Variants in NFIX observed in about 807,000 individuals in gnomAD.
NFIX encodes nuclear factor 1 X-type.
In NFIX, 2 loss-of-function variants were observed where a neutral mutation model predicts 53.3. The observed-to-expected ratio is 0.04, with a 90% CI of 0.02 to 0.12. The LOEUF (loss-of-function observed/expected upper bound fraction) is 0.12. Ranked by LOEUF, NFIX falls within the 10% of genes least tolerant of loss-of-function variation. NFIX has a pLI of 1.00. For missense variants in NFIX, 310 were observed against 674.5 expected, an observed-to-expected ratio of 0.46 and a Z score of 5.99; for synonymous variants, 244 against 289.0, an observed-to-expected ratio of 0.84 and a Z score of 1.58.
rs770483559 is a variant in NFIX, at chr19:13,081,882, G to A, written c.1254+27G>A. 17 of 1,610,944 alleles carry A rather than the reference G, an allele frequency of 1.1e-5. No individual in the cohort carries two copies. The highest frequency in any genetic ancestry group is 5.3e-5 in the African/African-American group (4 of 74,876). On this transcript the variant is annotated intron_variant, in intron 8 of 10. Coordinates refer to ENST00000592199, the MANE Select transcript of NFIX (RefSeq NM_001365902.3). The surrounding 1 kb of genome is among the most constrained non-coding windows in gnomAD (Gnocchi z 4.7). The stretch of plus-strand genomic sequence containing the variant: ...TGAGTCCAGAGGGCCCCAGGAGCCC[G>A]GCTACAGCCTCATCTCCACATCTAT...
chr19:13,092,534 G>A (rs2018205416), intron 10 of NFIX, among the ~76,000 whole-genome samples: 1 of 152,238 alleles, frequency 6.6e-6, no homozygotes, highest in Non-Finnish European at 1.5e-5. Flanking sequence ...GCCCTGGCAT[G>A]ATCTGCCAGG....
At position 13,036,556 on chromosome 19, in the gene NFIX, G is replaced by A. The variant is rs956602351; in HGVS notation, c.559+11004G>A. Among the ~76,000 whole-genome samples, 7 of 152,252 alleles carry A rather than the reference G, an allele frequency of 4.6e-5. No homozygotes were observed. Among genetic ancestry groups the A allele is most frequent in the Middle Eastern group, 3.4e-3 (1 of 294 alleles). On this transcript the variant is annotated intron_variant, in intron 2 of 10. Transcript: ENST00000592199. The surrounding 1 kb of genome is among the most constrained non-coding windows in gnomAD (Gnocchi z 4.7). ...CTGGGCGGAGCTGTGTGGAGCGATCGGGAGATCCCCGGAGGCGACCTGCAG... is the reference window on the plus strand; with the variant it reads ...CTGGGCGGAGCTGTGTGGAGCGATCAGGAGATCCCCGGAGGCGACCTGCAG...
rs1040898745 is a variant in NFIX, at chr19:12,996,876, G to A, written c.27+1012G>A. ...CAAAAGCTTCGAGGATGCCTGTCGG[G>A]CCACCCAACTCTCCCTGGGCTGTGG... On this transcript the variant is annotated intron_variant, in intron 1 of 10. Transcript: ENST00000592199. This position sits in a 1 kb window ranked among gnomAD's most constrained non-coding sequence, Gnocchi z 5.2. Among the ~76,000 whole-genome samples, 5 of 152,270 alleles carry A rather than the reference G, an allele frequency of 3.3e-5. No individual in the cohort carries two copies. The highest frequency in any genetic ancestry group is 2.6e-4 in the Admixed American group (4 of 15,286).
At chr19:13,015,819 C>CGCACAT (rs1261826573) in intron 1 of NFIX, among the ~76,000 whole-genome samples, 1 of 152,088 alleles carries the variant, frequency 6.6e-6, no homozygotes, top group East Asian at 1.9e-4. Flanking sequence ...CACACGCACA[C>CGCACAT]GCACACGCAC....
chr19:12,999,058 C>T (rs2011576057), intron 1 of NFIX, among the ~76,000 whole-genome samples: 1 of 152,148 alleles, frequency 6.6e-6, no homozygotes, highest in Non-Finnish European at 1.5e-5. Context: ...GTGTTCACCC[C>T]CACACATGCT....
rs908797499 is a variant in NFIX, at chr19:13,095,300, C to A, written c.*651C>A. On this transcript the variant is annotated 3_prime_UTR_variant, in exon 11 of 11. Coordinates refer to ENST00000592199, the MANE Select transcript of NFIX (RefSeq NM_001365902.3). ...CCCCACCCCACCCTTGGGCTAAAAG[C>A]CCCCAGGCGGGCAGGGGGTGACCCC... 1 of 150,790 alleles carries A rather than the reference C, an allele frequency of 6.6e-6. No individual in the cohort carries two copies. Among genetic ancestry groups the A allele is most frequent in the Non-Finnish European group, 1.5e-5 (1 of 67,762 alleles). 9.3% of individuals were successfully genotyped at this position (150,790 alleles called of 1,614,324 possible).
rs3840930 is a variant in NFIX at position 13,023,070 on chromosome 19, T to TTCTCTCTCTCTCTCTCTCTCTC, written c.28-1945_28-1924dup. 2.5e-3 allele frequency among the ~76,000 whole-genome samples: 339 copies of TTCTCTCTCTCTCTCTCTCTCTC among 138,070 alleles called. 4 individuals carry two copies. Among genetic ancestry groups the TTCTCTCTCTCTCTCTCTCTCTC allele is most frequent in the African/African-American group, 8.4e-3 (283 of 33,744 alleles). The allele number at this position is 138,070 out of a possible 152,430, so 90.6% of individuals were successfully genotyped here. On this transcript the variant is annotated intron_variant, in intron 1 of 10. Transcript: ENST00000592199. Reference sequence around the variant, plus strand: ...CAAATAGGTGGATCCTTCTCTCTCTTTCTCTCTCTCTCTCTCTCTCTCTCT... The same window carrying TTCTCTCTCTCTCTCTCTCTCTC: ...CAAATAGGTGGATCCTTCTCTCTCTTTCTCTCTCTCTCTCTCTCTCTCTCTCTCTCTCTCTCTCTCTCTCTCT...
intron 2 of NFIX, among the ~76,000 whole-genome samples, chr19:13,026,138 G>A (rs910112675): frequency 1.3e-5 from 2 of 152,294 alleles, no homozygotes; most frequent in African/African-American, 4.8e-5. Flanking sequence ...ATACTCAGGC[G>A]GGAGCTGTTT....
In NFIX at chr19:13,002,617, T is replaced by G. The variant is rs916924278; in HGVS notation, c.27+6753T>G. Among the ~76,000 whole-genome samples the G allele has an allele frequency of 6.6e-6, 1 of 152,080 alleles. No homozygotes were observed. Among genetic ancestry groups the G allele is most frequent in the African/African-American group, 2.4e-5 (1 of 41,410 alleles). ...CGGAGCTGGGGTGTCTGGCTTCTGG[T>G]GGGGCTGGCAGGCCTCTGTGAGGCG... On this transcript the variant is annotated intron_variant, in intron 1 of 10. Transcript: ENST00000592199. The surrounding 1 kb of genome is among the most constrained non-coding windows in gnomAD (Gnocchi z 6.1).
intron 1 of NFIX, among the ~76,000 whole-genome samples, chr19:13,015,806 A>ACG (rs1568261244): frequency 2.8e-4 from 41 of 143,942 alleles, no homozygotes; most frequent in East Asian, 2.2e-3. Context: ...ACACACACAC[A>ACG]CACACACGCA....
In NFIX at chr19:12,996,569, C is replaced by G. The variant is rs981394434; in HGVS notation, c.27+705C>G. ...GCTGCCAGCGGTGGCCGCGCCTCTC[C>G]GACCCCGGACGTCGCAGCCTCTGCC... On this transcript the variant is annotated intron_variant, in intron 1 of 10. Transcript: ENST00000592199. The surrounding 1 kb of genome is among the most constrained non-coding windows in gnomAD (Gnocchi z 5.2). Among the ~76,000 whole-genome samples the G allele has an allele frequency of 6.6e-6, 1 of 152,180 alleles. No individual in the cohort carries two copies. The highest frequency in any genetic ancestry group is 2.4e-5 in the African/African-American group (1 of 41,444).
chr19:13,034,891 T>C lies in NFIX; in HGVS notation c.559+9339T>C, dbSNP rs969251629. Among the ~76,000 whole-genome samples the C allele has an allele frequency of 1.3e-4, 20 of 152,266 alleles. No individual in the cohort carries two copies. The South Asian group carries it at 2.1e-3, about 16-fold the overall frequency. On this transcript the variant is annotated intron_variant, in intron 2 of 10. Transcript: ENST00000592199. ...AGAGGCTTACCTCTCACCATTGATATCAGCTCCCCTTGAGCAGCATTTCCC... is the reference window on the plus strand; with the variant it reads ...AGAGGCTTACCTCTCACCATTGATACCAGCTCCCCTTGAGCAGCATTTCCC...
At chr19:13,034,836 G>C (rs993335699) in intron 2 of NFIX, among the ~76,000 whole-genome samples, 17 of 149,642 alleles carry the variant, frequency 1.1e-4, no homozygotes, top group Middle Eastern at 3.4e-3. Flanking sequence ...CACCGCTCTA[G>C]ATTTTCGTCT....
intron 2 of NFIX, among the ~76,000 whole-genome samples, chr19:13,044,775 G>A (rs543668305): frequency 6.6e-6 from 1 of 152,168 alleles, no homozygotes; most frequent in Non-Finnish European, 1.5e-5. Flanking sequence ...TACAATTGTC[G>A]TAATTACAGG....
rs149156544 is a variant in NFIX, at chr19:13,044,623, G to T, written c.559+19071G>T. ...GGCCCAACTCCAACCTGGCCCCTGT[G>T]GCTTGTAGCTTCTGAGTCAGAGGGC... On this transcript the variant is annotated intron_variant, in intron 2 of 10. Transcript: ENST00000592199. 3.6e-3 allele frequency among the ~76,000 whole-genome samples: 553 copies of T among 152,294 alleles called. 3 individuals are homozygous for T. The highest frequency in any genetic ancestry group is 0.012 in the African/African-American group (505 of 41,558).
At position 13,002,194 on chromosome 19, in the gene NFIX, C is replaced by T. The variant is rs938483009; in HGVS notation, c.27+6330C>T. Among the ~76,000 whole-genome samples the T allele has an allele frequency of 6.7e-6, 1 of 150,032 alleles. No individual in the cohort carries two copies. The highest frequency in any genetic ancestry group is 1.5e-5 in the Non-Finnish European group (1 of 67,312). ...AAACTGAGGTCCCCCCTTCTTTCCC[C>T]CTTTCTCTCTCTCTCTTTCCTCCCT... On this transcript the variant is annotated intron_variant, in intron 1 of 10. Transcript: ENST00000592199. This position sits in a 1 kb window ranked among gnomAD's most constrained non-coding sequence, Gnocchi z 6.1.
At chr19:13,091,373 T>G (rs2018125752) in intron 10 of NFIX, among the ~76,000 whole-genome samples, 1 of 147,946 alleles carries the variant, frequency 6.8e-6, no homozygotes, top group African/African-American at 2.5e-5. Flanking sequence ...AGATTGTTTT[T>G]TTTTTTTTCT....
At chr19:13,017,335 G>A (rs1049503048) in intron 1 of NFIX, among the ~76,000 whole-genome samples, 1 of 152,208 alleles carries the variant, frequency 6.6e-6, no homozygotes, top group Non-Finnish European at 1.5e-5. Flanking sequence ...TAAAATAGTT[G>A]CGGGAGCAAT....
In NFIX at chr19:13,043,099, A is replaced by G. The variant is rs2014750598; in HGVS notation, c.559+17547A>G. On this transcript the variant is annotated intron_variant, in intron 2 of 10. Transcript: ENST00000592199. The surrounding 1 kb of genome is among the most constrained non-coding windows in gnomAD (Gnocchi z 4.0). ...AAGTCAAGTCTCCCATCCCTGTCAT[A>G]GGTGTATGTCCCGTTCCTGTATTTA... Among the ~76,000 whole-genome samples, 1 of 152,182 alleles carries G rather than the reference A, an allele frequency of 6.6e-6. No individual in the cohort carries two copies. Among genetic ancestry groups the G allele is most frequent in the African/African-American group, 2.4e-5 (1 of 41,446 alleles).
Sources: allele counts gnomAD v4.1 joint callset (sites outside exome capture counted in the v4.1 genomes callset), GRCh38; gene constraint gnomAD v4.1.1; non-coding constraint Gnocchi (gnomAD v3.1); transcripts MANE v1.5; gene names NCBI Gene and HGNC (gene_info 2026-07-23, HGNC 2026-07-21).